The following TRPM3 variants were observed in gnomAD, a reference collection of about 807,000 sequenced individuals.
TRPM3 encodes transient receptor potential cation channel subfamily M member 3.
In TRPM3, 77 loss-of-function variants were observed where a neutral mutation model predicts 181.2. That is an observed-to-expected ratio of 0.42 (90% CI 0.35 to 0.51). TRPM3 has a LOEUF of 0.51. TRPM3 is among the 20% of genes least tolerant of loss of function. The pLI, the probability that TRPM3 is intolerant of heterozygous loss-of-function variation, is 0.01. For missense variants in TRPM3, 1,759 were observed against 2,196.7 expected, an observed-to-expected ratio of 0.80 and a Z score of 3.98; for synonymous variants, 745 against 796.4, an observed-to-expected ratio of 0.94 and a Z score of 1.09.
intron 1 of TRPM3, among the ~76,000 whole-genome samples, chr9:71,079,563 C>T (rs112304954): frequency 2.4e-4 from 37 of 152,252 alleles, no homozygotes; most frequent in African/African-American, 8.4e-4. Context: ...TTTCATCTTG[C>T]ATATTCAGAA....
chr9:71,049,363 T>C (rs2059810643), intron 1 of TRPM3, among the ~76,000 whole-genome samples: 1 of 152,128 alleles, frequency 6.6e-6, no homozygotes, highest in Admixed American at 6.5e-5. Flanking sequence ...CCAAAATATA[T>C]GGTATGCATA....
chr9:71,192,016 T>C (rs890507291), intron 1 of TRPM3, among the ~76,000 whole-genome samples: 2 of 151,840 alleles, frequency 1.3e-5, no homozygotes, highest in African/African-American at 4.8e-5. Context: ...TTTTTCAGTC[T>C]TCAACTAAAG....
At chr9:70,910,617 T>C (rs1330718790) in intron 1 of TRPM3, among the ~76,000 whole-genome samples, 2 of 152,306 alleles carry the variant, frequency 1.3e-5, no homozygotes, top group East Asian at 3.9e-4. Context: ...GAATCTTTGA[T>C]TATTGCATTA....
At chr9:70,903,761 T>G (rs1341320151) in intron 1 of TRPM3, among the ~76,000 whole-genome samples, 1 of 152,166 alleles carries the variant, frequency 6.6e-6, no homozygotes, top group Non-Finnish European at 1.5e-5. Context: ...TACTTTTAGT[T>G]AAAATGCCTA....
intron 1 of TRPM3, among the ~76,000 whole-genome samples, chr9:71,144,887 A>G (rs1408599719): frequency 1.3e-5 from 2 of 152,200 alleles, no homozygotes; most frequent in South Asian, 2.1e-4. Flanking sequence ...CTAAAAATAA[A>G]TGGTAAGCTT....
intron 1 of TRPM3, among the ~76,000 whole-genome samples, chr9:71,133,292 C>CTATTTTTTTTT (rs2074484400): frequency 1.4e-5 from 1 of 72,306 alleles, no homozygotes; most frequent in Non-Finnish European, 2.5e-5. Flanking sequence ...TAGCAAATTG[C>CTATTTTTTTTT]TTTTTTTTTT....
At chr9:71,002,800 T>C (rs913673291) in intron 1 of TRPM3, among the ~76,000 whole-genome samples, 15 of 152,310 alleles carry the variant, frequency 9.8e-5, no homozygotes, top group African/African-American at 3.1e-4. Flanking sequence ...ACTTCATTCC[T>C]AAATATTAAA....
rs138854393 is a variant in TRPM3, at chr9:70,829,021, G to A, written c.802-1003C>T. On this transcript the variant is annotated intron_variant, in intron 5 of 25. Coordinates refer to ENST00000677713, the MANE Select transcript of TRPM3 (RefSeq NM_001366145.2). The stretch of plus-strand genomic sequence containing the variant: ...ATATTTAGGTAAGAACTGCCCTCAA[G>A]ACTATAGAAAGAGAATATTCAACAG... 3.6e-3 allele frequency among the ~76,000 whole-genome samples: 546 copies of A among 152,238 alleles called. 4 individuals are homozygous for A. The highest frequency in any genetic ancestry group is 0.012 in the African/African-American group (512 of 41,544).
chr9:71,334,464 T>C (rs544965740), intron 1 of TRPM3, among the ~76,000 whole-genome samples: 1 of 150,338 alleles, frequency 6.7e-6, no homozygotes, highest in East Asian at 1.9e-4. Flanking sequence ...TAAGACAAAA[T>C]ATTTCTATAA....
chr9:70,776,300 A>C lies in TRPM3; in HGVS notation c.1148+7805T>G, dbSNP rs565872432. On this transcript the variant is annotated intron_variant, in intron 7 of 25. Coordinates refer to ENST00000677713, the MANE Select transcript of TRPM3 (RefSeq NM_001366145.2). Reference sequence around the variant, plus strand: ...GACTCTTTAAAGGCTGTTCATTCCAACTGTAAAGTCGAAGGAAGCTGGGGT... The same window carrying C: ...GACTCTTTAAAGGCTGTTCATTCCACCTGTAAAGTCGAAGGAAGCTGGGGT... The C allele has an allele frequency of 6.9e-6, 4 of 576,380 alleles. No homozygotes were observed. The South Asian group carries it at 9.5e-5, about 14-fold the overall frequency. The allele number at this position is 576,380 out of a possible 1,614,324, so 35.7% of individuals were successfully genotyped here. A position where few individuals can be genotyped will look rare whatever the true frequency, so the allele number is the denominator to read the frequency against.
intron 1 of TRPM3, among the ~76,000 whole-genome samples, chr9:70,935,768 C>T (rs2096823271): frequency 6.6e-6 from 1 of 152,142 alleles, no homozygotes; most frequent in Admixed American, 6.6e-5. Flanking sequence ...TATTTGTGAA[C>T]ATTTAAAAAA....
At chr9:70,697,005 A>G (rs2070735608) in intron 8 of TRPM3, among the ~76,000 whole-genome samples, 1 of 152,072 alleles carries the variant, frequency 6.6e-6, no homozygotes, top group South Asian at 2.1e-4. Context: ...TCAGTTTTCA[A>G]TTTCAATTTG....
intron 1 of TRPM3, among the ~76,000 whole-genome samples, chr9:71,300,980 T>C (rs2086717178): frequency 6.6e-6 from 1 of 152,174 alleles, no homozygotes; most frequent in Non-Finnish European, 1.5e-5. Flanking sequence ...TAATATGTGC[T>C]AGATTCCATG....
chr9:71,278,644 T>C (rs2084413993), intron 1 of TRPM3, among the ~76,000 whole-genome samples: 1 of 152,184 alleles, frequency 6.6e-6, no homozygotes, highest in Non-Finnish European at 1.5e-5. Context: ...ACAAACTATT[T>C]AGGTTGAACC....
chr9:70,639,630 A>T (rs1445352421), intron 10 of TRPM3, among the ~76,000 whole-genome samples: 1 of 152,210 alleles, frequency 6.6e-6, no homozygotes, highest in Non-Finnish European at 1.5e-5. Flanking sequence ...AAGTCAACAG[A>T]CCAAAGGCCC....
At chr9:70,819,219 C>T (rs544235014) in intron 6 of TRPM3, among the ~76,000 whole-genome samples, 1 of 152,292 alleles carries the variant, frequency 6.6e-6, no homozygotes, top group Middle Eastern at 3.4e-3. Flanking sequence ...TGGCCCCTCT[C>T]CCATGCCATT....
chr9:71,226,410 A>T (rs2080658255), intron 1 of TRPM3, among the ~76,000 whole-genome samples: 1 of 152,170 alleles, frequency 6.6e-6, no homozygotes, highest in African/African-American at 2.4e-5. Context: ...TTAAAAAAAG[A>T]TGCAACAATC....
At chr9:71,070,950 C>A (rs1591170626) in intron 1 of TRPM3, among the ~76,000 whole-genome samples, 1 of 152,110 alleles carries the variant, frequency 6.6e-6, no homozygotes, top group Admixed American at 6.5e-5. Flanking sequence ...GTTGTTACAA[C>A]CCTGTATTAG....
intron 9 of TRPM3, among the ~76,000 whole-genome samples, chr9:70,641,066 C>T (rs1374025723): frequency 2.6e-5 from 4 of 152,112 alleles, no homozygotes; most frequent in African/African-American, 4.8e-5. Context: ...CCCATCCTTC[C>T]AGACATGATG....
Sources: gnomAD v4.1 joint callset for allele counts (sites outside exome capture counted in the v4.1 genomes callset) on GRCh38, gnomAD v4.1.1 for gene constraint, MANE v1.5 for transcripts, NCBI Gene and HGNC (gene_info 2026-07-23, HGNC 2026-07-21) for gene names.